The following SLC25A26 variants were observed in gnomAD, a reference collection of about 807,000 sequenced individuals.
The protein encoded by SLC25A26 is mitochondrial S-adenosylmethionine carrier protein.
A neutral mutation model predicts 37.8 loss-of-function variants in SLC25A26; 36 were observed. The ratio of observed to expected loss-of-function variants is 0.95; its 90% confidence interval spans 0.73 to 1.26. The LOEUF is 1.26. Among genes scored for constraint, SLC25A26 ranks in the 50% most tolerant of loss-of-function variants. The pLI, the probability that SLC25A26 is intolerant of heterozygous loss-of-function variation, is 0.00. For missense variants in SLC25A26, 390 were observed against 331.1 expected (o/e 1.18, Z -1.38); for synonymous variants, 129 against 122.5 (o/e 1.05, Z -0.35).
At chr3:66,291,482 C>T (rs1299358853) in intron 5 of SLC25A26, among the ~76,000 whole-genome samples, 1 of 152,086 alleles carries the variant, frequency 6.6e-6, no homozygotes, top group Non-Finnish European at 1.5e-5. Flanking sequence ...TAGCTGTGTC[C>T]CAGAGATTCC....
At chr3:66,230,827 AAAC>A (rs2071988863) in intron 1 of SLC25A26, among the ~76,000 whole-genome samples, 1 of 150,792 alleles carries the variant, frequency 6.6e-6, no homozygotes, top group Non-Finnish European at 1.5e-5. Context: ...AAACAAAAAA[AAAC>A]CAGAATTTTA....
At chr3:66,277,294 C>G (rs563494068) in intron 5 of SLC25A26, among the ~76,000 whole-genome samples, 1 of 152,198 alleles carries the variant, frequency 6.6e-6, no homozygotes, top group South Asian at 2.1e-4. Flanking sequence ...CACTATGCAT[C>G]TCTAAAAGAT....
chr3:66,258,263 T>C (rs943583178), intron 3 of SLC25A26, among the ~76,000 whole-genome samples: 2 of 152,118 alleles, frequency 1.3e-5, no homozygotes, highest in Non-Finnish European at 2.9e-5. Context: ...CCTTCAACTC[T>C]GTTGTGTGAT....
chr3:66,282,949 G>A (rs1026204077), intron 5 of SLC25A26, among the ~76,000 whole-genome samples: 1 of 152,180 alleles, frequency 6.6e-6, no homozygotes, highest in Non-Finnish European at 1.5e-5. Flanking sequence ...AGAATATACA[G>A]CCTTTACAGA....
At chr3:66,278,328 A>C (rs2074225237) in intron 5 of SLC25A26, among the ~76,000 whole-genome samples, 1 of 152,156 alleles carries the variant, frequency 6.6e-6, no homozygotes, top group Admixed American at 6.5e-5. Flanking sequence ...GTATTAAAAT[A>C]ATATATGCAA....
At chr3:66,175,139 A>G (rs2070564754) in intron 1 of SLC25A26, among the ~76,000 whole-genome samples, 1 of 65,350 alleles carries the variant, frequency 1.5e-5, no homozygotes, top group African/African-American at 7.2e-5. Flanking sequence ...ATATATATAT[A>G]TACACACACA....
intron 1 of SLC25A26, among the ~76,000 whole-genome samples, chr3:66,200,466 T>A (rs1361448681): frequency 6.6e-6 from 1 of 152,236 alleles, no homozygotes; most frequent in Non-Finnish European, 1.5e-5. Context: ...GTCATGGCCA[T>A]CACAATGGAT....
At chr3:66,352,464 A>C (rs1575600136) in intron 6 of SLC25A26, among the ~76,000 whole-genome samples, 1 of 143,682 alleles carries the variant, frequency 7.0e-6, no homozygotes, top group African/African-American at 2.8e-5. Flanking sequence ...GAGATGTACC[A>C]AGGCCTTTAC....
intron 6 of SLC25A26, among the ~76,000 whole-genome samples, chr3:66,362,229 C>G (rs372638358): frequency 4.6e-5 from 7 of 152,068 alleles, no homozygotes; most frequent in African/African-American, 1.7e-4. Context: ...CATATAAAGA[C>G]CTGTATACAA....
intron 5 of SLC25A26, among the ~76,000 whole-genome samples, chr3:66,292,183 C>G (rs578203917): frequency 2.0e-5 from 3 of 152,126 alleles, no homozygotes; most frequent in South Asian, 2.1e-4. Flanking sequence ...TATTTTGAGC[C>G]TATTTGTGTC....
intron 1 of SLC25A26, among the ~76,000 whole-genome samples, chr3:66,196,823 A>C (rs2071050629): frequency 6.6e-6 from 1 of 152,158 alleles, no homozygotes; most frequent in Non-Finnish European, 1.5e-5. Context: ...CTTTTTCTGT[A>C]GACATAAGAG....
At position 66,348,774 on chromosome 3, in the gene SLC25A26, G is replaced by A. The variant is rs60793974; in HGVS notation, c.498+2366G>A. Among the ~76,000 whole-genome samples the A allele has an allele frequency of 3.7e-3, 563 of 152,198 alleles. 5 individuals carry two copies. The highest frequency in any genetic ancestry group is 0.013 in the African/African-American group (527 of 41,532). ...TATTGCTCATTTAATATAGTTTTTT[G>A]GCTCTTTTGTTGTCTTGTTTGTTTG... On this transcript the variant is annotated intron_variant, in intron 6 of 9. Coordinates refer to ENST00000354883, the MANE Select transcript of SLC25A26 (RefSeq NM_001379210.1).
Position 66,188,924 on chromosome 3 carries a change from A to G in SLC25A26, c.-353-31818A>G, listed in dbSNP as rs1039513452. Reference sequence around the variant, plus strand: ...TTACCTTGAACCTGACCCTCACCCTATTGTGATGCCTGATCCTTACAATGA... The same window carrying G: ...TTACCTTGAACCTGACCCTCACCCTGTTGTGATGCCTGATCCTTACAATGA... On this transcript the variant is annotated intron_variant, in intron 1 of 10. Coordinates refer to the SLC25A26 transcript ENST00000676754. Among the ~76,000 whole-genome samples, 16 of 152,064 alleles carry G rather than the reference A, an allele frequency of 1.1e-4. No individual in the cohort carries two copies. The East Asian group carries it at 2.9e-3, about 28-fold the overall frequency.
At chr3:66,143,112 G>A (rs2070060544) in intron 1 of SLC25A26, among the ~76,000 whole-genome samples, 1 of 151,852 alleles carries the variant, frequency 6.6e-6, no homozygotes, top group African/African-American at 2.4e-5. Context: ...CCTAGCAATG[G>A]GTTAGAAAAT....
At chr3:66,268,395 C>T (rs1576755309) in intron 5 of SLC25A26, among the ~76,000 whole-genome samples, 1 of 152,176 alleles carries the variant, frequency 6.6e-6, no homozygotes, top group South Asian at 2.1e-4. Context: ...TTTCCCCTGC[C>T]TCACCTATGG....
chr3:66,292,606 A>G (rs2074751512), intron 5 of SLC25A26, among the ~76,000 whole-genome samples: 1 of 152,182 alleles, frequency 6.6e-6, no homozygotes, highest in African/African-American at 2.4e-5. Context: ...TCTTTTAAGA[A>G]TGTTGAATAT....
intron 1 of SLC25A26, among the ~76,000 whole-genome samples, chr3:66,160,760 C>T (rs1380747888): frequency 1.3e-5 from 2 of 152,022 alleles, no homozygotes; most frequent in Non-Finnish European, 2.9e-5. Context: ...CATGATGAAA[C>T]CCCGTCTCTA....
chr3:66,230,672 G>A (rs2071972771), intron 1 of SLC25A26, among the ~76,000 whole-genome samples: 1 of 151,922 alleles, frequency 6.6e-6, no homozygotes, highest in Admixed American at 6.6e-5. Context: ...GGGCATGGTG[G>A]CTCACGCCTG....
intron 5 of SLC25A26, among the ~76,000 whole-genome samples, chr3:66,290,222 G>A (rs1036022172): frequency 1.3e-5 from 2 of 152,254 alleles, no homozygotes; most frequent in African/African-American, 2.4e-5. Context: ...GGGCAGAGTC[G>A]ATGGGGTTTT....
Sources: gnomAD v4.1 joint callset for allele counts (sites outside exome capture counted in the v4.1 genomes callset) on GRCh38, gnomAD v4.1.1 for gene constraint, MANE v1.5 for transcripts, NCBI Gene and HGNC (gene_info 2026-07-23, HGNC 2026-07-21) for gene names.